Variants in WDPCP observed in about 807,000 individuals in gnomAD.
The protein encoded by WDPCP is WD repeat-containing and planar cell polarity effector protein fritz homolog.
WDPCP carries 71 observed loss-of-function variants against 93.1 expected under a neutral mutation model. That is an observed-to-expected ratio of 0.76 (90% CI 0.63 to 0.93). The LOEUF (loss-of-function observed/expected upper bound fraction) is 0.93. Among genes scored for constraint, WDPCP ranks in the 40% least tolerant of loss-of-function variants. The pLI, the probability that WDPCP is intolerant of heterozygous loss-of-function variation, is 0.00. For synonymous variants in WDPCP, 315 were observed against 315.0 expected (o/e 1.00, Z 0.00); for missense variants, 844 against 887.4 (o/e 0.95, Z 0.62).
chr2:63,295,604 A>G (rs1243241722), intron 13 of WDPCP, among the ~76,000 whole-genome samples: 3 of 152,068 alleles, frequency 2.0e-5, no homozygotes, highest in South Asian at 4.1e-4. Flanking sequence ...ACTGATAAGA[A>G]ATATAAAAGA....
At chr2:63,513,035 G>T (rs549194760) in intron 1 of WDPCP, among the ~76,000 whole-genome samples, 1 of 152,198 alleles carries the variant, frequency 6.6e-6, no homozygotes, top group Non-Finnish European at 1.5e-5. Flanking sequence ...TCAGGTTTAA[G>T]CAGGAGAGCA....
At chr2:63,361,303 T>G (rs1345703869) in intron 12 of WDPCP, among the ~76,000 whole-genome samples, 1 of 152,204 alleles carries the variant, frequency 6.6e-6, no homozygotes, top group Non-Finnish European at 1.5e-5. Context: ...TGTATTATTG[T>G]GGCCAAAATA....
At chr2:63,260,485 AG>A (rs1681531182) in intron 13 of WDPCP, among the ~76,000 whole-genome samples, 2 of 152,258 alleles carry the variant, frequency 1.3e-5, no homozygotes, top group Admixed American at 1.3e-4. Flanking sequence ...TAATAATTAC[AG>A]GTTGCAAAGT....
chr2:63,649,010 T>C (rs1218185121), intron 3 of WDPCP, among the ~76,000 whole-genome samples: 3 of 152,232 alleles, frequency 2.0e-5, no homozygotes, highest in African/African-American at 7.2e-5. Context: ...ACAACTTTTT[T>C]TTCTTTGATA....
intron 1 of WDPCP, among the ~76,000 whole-genome samples, chr2:63,510,711 C>T (rs1052307489): frequency 6.6e-5 from 10 of 152,178 alleles, no homozygotes; most frequent in Admixed American, 3.3e-4. Flanking sequence ...TGGTGGCTCA[C>T]GCCTGTAATC....
intron 13 of WDPCP, among the ~76,000 whole-genome samples, chr2:63,307,128 C>T (rs1304224673): frequency 6.6e-6 from 1 of 152,142 alleles, no homozygotes; most frequent in African/African-American, 2.4e-5. Flanking sequence ...TGAGTGAACT[C>T]CCATTCATAA....
At chr2:63,545,905 G>T (rs1010517212) in intron 1 of WDPCP, among the ~76,000 whole-genome samples, 1 of 151,258 alleles carries the variant, frequency 6.6e-6, no homozygotes, top group African/African-American at 2.4e-5. Flanking sequence ...TGGATTGAAG[G>T]CTTTTCCTGA....
At chr2:63,201,369 C>A (rs1675900046) in intron 14 of WDPCP, among the ~76,000 whole-genome samples, 1 of 152,114 alleles carries the variant, frequency 6.6e-6, no homozygotes, top group African/African-American at 2.4e-5. Context: ...TGAGAATGGA[C>A]AAATACAAAA....
intron 14 of WDPCP, among the ~76,000 whole-genome samples, chr2:63,209,651 C>T (rs1473907609): frequency 6.6e-6 from 1 of 152,174 alleles, no homozygotes; most frequent in African/African-American, 2.4e-5. Context: ...ATTGTAGTTG[C>T]TCTTTCTGTT....
At chr2:63,764,648 G>A (rs1371794205) in intron 2 of WDPCP, among the ~76,000 whole-genome samples, 1 of 152,170 alleles carries the variant, frequency 6.6e-6, no homozygotes, top group Non-Finnish European at 1.5e-5. Context: ...ACAGCCTTTA[G>A]GAAATGCCTC....
At chr2:63,184,229 T>C (rs1674462568) in intron 14 of WDPCP, among the ~76,000 whole-genome samples, 1 of 152,118 alleles carries the variant, frequency 6.6e-6, no homozygotes, top group Non-Finnish European at 1.5e-5. Flanking sequence ...TCTGTTTGTC[T>C]TTGTTGTTTG....
chr2:63,773,539 T>G (rs183755541), intron 2 of WDPCP, among the ~76,000 whole-genome samples: 6 of 152,060 alleles, frequency 3.9e-5, no homozygotes, highest in African/African-American at 1.4e-4. Context: ...AACCATTGTA[T>G]AAAAATTTAT....
intron 1 of WDPCP, among the ~76,000 whole-genome samples, chr2:63,819,895 C>T (rs1249326321): frequency 3.3e-5 from 5 of 152,144 alleles, no homozygotes; most frequent in African/African-American, 1.2e-4. Flanking sequence ...CTTCATATGT[C>T]GCTCATTTAC....
intron 7 of WDPCP, among the ~76,000 whole-genome samples, chr2:63,438,642 G>A (rs1332073803): frequency 5.9e-5 from 9 of 151,986 alleles, no homozygotes; most frequent in Admixed American, 5.9e-4. Flanking sequence ...AAGGGAAAAT[G>A]GCATGCTTAC....
At chr2:63,347,831 G>C (rs1312674480) in intron 12 of WDPCP, among the ~76,000 whole-genome samples, 1 of 141,138 alleles carries the variant, frequency 7.1e-6, no homozygotes, top group Non-Finnish European at 1.5e-5. Context: ...CCCCCTCTTT[G>C]ACTTATATGT....
intron 14 of WDPCP, among the ~76,000 whole-genome samples, chr2:63,235,078 C>G (rs1251791150): frequency 1.3e-5 from 2 of 152,084 alleles, no homozygotes; most frequent in East Asian, 1.9e-4. Context: ...AAAGGCTAAG[C>G]AGGATTAATA....
chr2:63,807,830 G>C (rs921011965), intron 2 of WDPCP, among the ~76,000 whole-genome samples: 1 of 152,120 alleles, frequency 6.6e-6, no homozygotes, highest in African/African-American at 2.4e-5. Context: ...GATTAAAACT[G>C]AGTTTTGCTT....
intron 6 of WDPCP, among the ~76,000 whole-genome samples, chr2:63,458,360 C>G (rs1378995098): frequency 6.6e-6 from 1 of 151,756 alleles, no homozygotes. Flanking sequence ...AACTGATAAG[C>G]AAATTCAGTT....
intron 2 of WDPCP, among the ~76,000 whole-genome samples, chr2:63,734,754 C>T (rs962000798): frequency 1.3e-5 from 2 of 152,150 alleles, no homozygotes; most frequent in African/African-American, 4.8e-5. Context: ...ACTTGCTAAA[C>T]CTGCAGTTTA....
Sources: allele counts gnomAD v4.1 joint callset (sites outside exome capture counted in the v4.1 genomes callset), GRCh38; gene constraint gnomAD v4.1.1; transcripts MANE v1.5; gene names NCBI Gene and HGNC (gene_info 2026-07-23, HGNC 2026-07-21).